The following KIAA1217 variants were observed in gnomAD, a reference collection of about 807,000 sequenced individuals.
KIAA1217 encodes the protein KIAA1217.
KIAA1217 carries 88 observed loss-of-function variants against 163.9 expected under a neutral mutation model. The ratio of observed to expected loss-of-function variants is 0.54; its 90% CI spans 0.45 to 0.64. The LOEUF is 0.64. KIAA1217 is among the 30% of genes least tolerant of loss of function. The pLI, the probability that KIAA1217 is intolerant of heterozygous loss-of-function variation, is 0.00. For missense variants in KIAA1217, 2,372 were observed against 2,475.0 expected (o/e 0.96, Z 0.88); for synonymous variants, 903 against 923.1 (o/e 0.98, Z 0.39).
chr10:24,379,950 G>T (rs1474812734), intron 2 of KIAA1217, among the ~76,000 whole-genome samples: 1 of 152,172 alleles, frequency 6.6e-6, no homozygotes, highest in African/African-American at 2.4e-5. Flanking sequence ...TACTTGGGAG[G>T]TTGAGGCAGG....
intron 1 of KIAA1217, among the ~76,000 whole-genome samples, chr10:23,951,182 C>T (rs1243871064): frequency 6.6e-6 from 1 of 152,042 alleles, no homozygotes; most frequent in Non-Finnish European, 1.5e-5. Context: ...TTAGATGAGG[C>T]AAGAGCATCT....
At chr10:23,742,878 A>G (rs935674140) in intron 1 of KIAA1217, among the ~76,000 whole-genome samples, 3 of 152,140 alleles carry the variant, frequency 2.0e-5, no homozygotes, top group Non-Finnish European at 2.9e-5. Context: ...ATATAACAAG[A>G]AGGTTTGGGA....
intron 1 of KIAA1217, among the ~76,000 whole-genome samples, chr10:24,004,801 T>G (rs1178250267): frequency 2.0e-5 from 3 of 152,082 alleles, no homozygotes; most frequent in African/African-American, 7.2e-5. Flanking sequence ...GAGGCAAAGA[T>G]TTGGAGGAAG....
chr10:24,254,734 A>C (rs951729296), intron 2 of KIAA1217, among the ~76,000 whole-genome samples: 3 of 152,196 alleles, frequency 2.0e-5, no homozygotes, highest in African/African-American at 7.2e-5. Flanking sequence ...ATGACACAAT[A>C]AATATATTTT....
chr10:24,317,316 G>A (rs1388298796), intron 2 of KIAA1217, among the ~76,000 whole-genome samples: 1 of 152,072 alleles, frequency 6.6e-6, no homozygotes, highest in Non-Finnish European at 1.5e-5. Flanking sequence ...CCAGGGTCCT[G>A]CTATGTCGCC....
chr10:24,434,810 A>T (rs1332259261), intron 4 of KIAA1217, among the ~76,000 whole-genome samples: 1 of 152,256 alleles, frequency 6.6e-6, no homozygotes, highest in Non-Finnish European at 1.5e-5. Flanking sequence ...TAATCCAGCC[A>T]TTTCATTTTA....
chr10:24,227,143 G>GATTATTATTATTATTATT (rs56348020), intron 2 of KIAA1217, among the ~76,000 whole-genome samples: 2 of 148,848 alleles, frequency 1.3e-5, no homozygotes, highest in East Asian at 2.0e-4. Context: ...GATATAAAGG[G>GATTATTATTATTATTATT]ATTATTATTA....
chr10:23,920,882 A>G (rs1842825199), intron 1 of KIAA1217, among the ~76,000 whole-genome samples: 1 of 152,138 alleles, frequency 6.6e-6, no homozygotes, highest in African/African-American at 2.4e-5. Flanking sequence ...AGGGTTTTTC[A>G]CATGCTGTTC....
intron 1 of KIAA1217, among the ~76,000 whole-genome samples, chr10:23,759,331 A>G (rs551386413): frequency 5.9e-5 from 9 of 152,182 alleles, no homozygotes; most frequent in Admixed American, 3.9e-4. Context: ...GGTTTTTTAC[A>G]TATAAGAACA....
chr10:24,509,992 A>G (rs191565650), intron 9 of KIAA1217, among the ~76,000 whole-genome samples: 60 of 152,274 alleles, frequency 3.9e-4, no homozygotes, highest in African/African-American at 1.3e-3. Context: ...GAGGAAGGAA[A>G]TCTACATATA....
intron 2 of KIAA1217, among the ~76,000 whole-genome samples, chr10:24,253,736 GAA>G (rs1217554905): frequency 7.5e-6 from 1 of 133,904 alleles, no homozygotes; most frequent in Non-Finnish European, 1.6e-5. Flanking sequence ...TGTCTCCAAA[GAA>G]AAAAAAAAAA....
intron 1 of KIAA1217, among the ~76,000 whole-genome samples, chr10:23,757,768 T>G (rs1588731825): frequency 1.3e-5 from 2 of 152,202 alleles, no homozygotes; most frequent in African/African-American, 4.8e-5. Context: ...TGCACCTTCC[T>G]CGGCTTCCCA....
chr10:23,891,349 G>T (rs568361179), intron 1 of KIAA1217, among the ~76,000 whole-genome samples: 19 of 151,882 alleles, frequency 1.3e-4, no homozygotes, highest in African/African-American at 4.1e-4. Context: ...ATCTCACCTG[G>T]TTGCCCAGGC....
intron 2 of KIAA1217, among the ~76,000 whole-genome samples, chr10:24,062,588 G>A (rs970565639): frequency 2.1e-4 from 32 of 150,984 alleles, no homozygotes; most frequent in African/African-American, 5.2e-4. Context: ...GAATAGTGCC[G>A]TAATAAACAT....
At chr10:24,039,542 C>T (rs914455748) in intron 2 of KIAA1217, among the ~76,000 whole-genome samples, 1 of 152,040 alleles carries the variant, frequency 6.6e-6, no homozygotes, top group Non-Finnish European at 1.5e-5. Flanking sequence ...GACGGTTTGC[C>T]CAACTGTAGG....
intron 2 of KIAA1217, among the ~76,000 whole-genome samples, chr10:24,227,083 A>C (rs1283898158): frequency 6.6e-6 from 1 of 152,148 alleles, no homozygotes; most frequent in Non-Finnish European, 1.5e-5. Context: ...AAAGAAACGA[A>C]TAATACATTT....
chr10:23,971,350 C>A (rs1396406822), intron 1 of KIAA1217, among the ~76,000 whole-genome samples: 1 of 152,246 alleles, frequency 6.6e-6, no homozygotes, highest in Non-Finnish European at 1.5e-5. Flanking sequence ...TGATCACCAG[C>A]TTCAGGTGTT....
chr10:24,346,568 CTTT>C (rs1177259021), intron 2 of KIAA1217, among the ~76,000 whole-genome samples: 5 of 121,020 alleles, frequency 4.1e-5, no homozygotes, highest in African/African-American at 6.3e-5. Context: ...TTTGTTGGCC[CTTT>C]TTTTTTTTTT....
chr10:23,798,250 G>C (rs1199623718), intron 1 of KIAA1217, among the ~76,000 whole-genome samples: 14 of 152,144 alleles, frequency 9.2e-5, no homozygotes, highest in Non-Finnish European at 1.5e-5. Context: ...GGAAGACACA[G>C]AGCTTACCCT....
Sources: allele counts gnomAD v4.1 joint callset (sites outside exome capture counted in the v4.1 genomes callset), GRCh38; gene constraint gnomAD v4.1.1; transcripts MANE v1.5; gene names NCBI Gene and HGNC (gene_info 2026-07-23, HGNC 2026-07-21).